Variants in TSPAN6 observed in about 807,000 individuals in gnomAD.
The protein encoded by TSPAN6 is tetraspanin 6.
TSPAN6 carries 13 observed loss-of-function variants against 18.0 expected under a neutral mutation model. The ratio of observed to expected loss-of-function variants is 0.72; its 90% CI spans 0.47 to 1.15. TSPAN6 has a LOEUF of 1.15. TSPAN6 is among the 50% of genes most tolerant of loss of function. The pLI is 0.00. For synonymous variants in TSPAN6, 82 were observed against 67.0 expected (o/e 1.22, Z -1.09); for missense variants, 186 against 183.9 (o/e 1.01, Z -0.07).
At chrX:100,636,556 A>G (rs771639149) in intron 1 of TSPAN6, 52 bp downstream of exon 1, 94 of 1,156,866 alleles carry the variant, frequency 8.1e-5, no homozygotes, top group Non-Finnish European at 1.0e-4. Flanking sequence ...CACACCCCCC[A>G]CAACTAAAAG....
Position 100,633,527 on chromosome X carries a change from C to T in TSPAN6, c.463G>A (p.Gly155Ser). The change falls in exon 5 of 8, where the codon GGT becomes AGT. Residue 155 changes from glycine to serine, a missense_variant. Coordinates refer to ENST00000373020, the MANE Select transcript of TSPAN6 (RefSeq NM_003270.4). ...GTCCAATCTCTATAATCGGTGACAC[C>T]ACAACAATGCAACTGAAAAACCCAA... ...DKIQNTLHCC[G>S]VTDYRDWTDT... The T allele has an allele frequency of 8.4e-7, 1 of 1,188,495 alleles. No homozygotes were observed. The highest frequency in any genetic ancestry group is 1.1e-6 in the Non-Finnish European group (1 of 887,291).
Position 100,632,549 on chromosome X carries a change from A to G in TSPAN6, c.605T>C (p.Met202Thr), listed in dbSNP as rs1249151274. The G allele has an allele frequency of 8.3e-7, 1 of 1,203,049 alleles. No homozygotes were observed. The highest frequency in any genetic ancestry group is 1.8e-5 in the African/African-American group (1 of 57,102). Residue 202 changes from methionine to threonine, a missense_variant, in exon 6 of 8, where the codon ATG becomes ACG. Physicochemically the swap from Met to Thr is moderately conservative, Grantham distance 81. Coordinates refer to ENST00000373020, the MANE Select transcript of TSPAN6 (RefSeq NM_003270.4). ...VNNEGCFIKVMTIIESEMGVV... is the reference protein window; with the variant it reads ...VNNEGCFIKVTTIIESEMGVV... ...TCCCATTTCTGACTCTATAATGGTCATCACCTTTATAAAACAACCCTAATG... is the reference window on the plus strand; with the variant it reads ...TCCCATTTCTGACTCTATAATGGTCGTCACCTTTATAAAACAACCCTAATG...
rs775990938 is a variant in TSPAN6, at chrX:100,628,217, T to G, written c.*1809A>C. The G allele has an allele frequency of 1.3e-4, 15 of 112,244 alleles. No homozygotes were observed. Among genetic ancestry groups the G allele is most frequent in the African/African-American group, 4.8e-4 (15 of 30,933 alleles). The allele number at this position is 112,244 out of a possible 1,213,427, so 9.3% of individuals were successfully genotyped here. ...AAATTGCTGATAATCCTTTAAATAT[T>G]TGCTTCTTTAATCTCAGTAGCCAAA... On this transcript the variant is annotated 3_prime_UTR_variant, in exon 8 of 8. Coordinates refer to ENST00000373020, the MANE Select transcript of TSPAN6 (RefSeq NM_003270.4).
Position 100,628,581 on chromosome X carries a change from T to C in TSPAN6, c.*1445A>G, listed in dbSNP as rs1273315490. On this transcript the variant is annotated 3_prime_UTR_variant, in exon 8 of 8. Transcript: ENST00000373020. ...ATTTTAGTAATTATTATTTTCCTTA[T>C]TAATTTCCCTATTATCCTGAAGATA... 1 of 112,069 alleles carries C rather than the reference T, an allele frequency of 8.9e-6. No individual in the cohort carries two copies. The highest frequency in any genetic ancestry group is 3.2e-5 in the African/African-American group (1 of 30,847). 9.2% of individuals were successfully genotyped at this position (112,069 alleles called of 1,213,427 possible).
intron 7 of TSPAN6, 39 bp downstream of exon 7, chrX:100,630,720 T>G: frequency 9.9e-7 from 1 of 1,008,444 alleles, no homozygotes; most frequent in Admixed American, 2.5e-5. Flanking sequence ...CTAGAATAAA[T>G]ATCAACACTA....
chrX:100,636,628 T>G lies in TSPAN6; in HGVS notation c.67A>C (p.Ile23Leu). The change falls in exon 1 of 8, where the codon ATC becomes CTC. Residue 23 changes from isoleucine to leucine, a missense_variant. By Grantham distance (5) the Ile-to-Leu change is conservative. Transcript: ENST00000373020. ...CTCACCCAGAAAATAAAAGTGTAGA[T>G]TAGCAGAACGCTCTTGAAACAAGTA... ...VITCFKSVLL[I>L]YTFIFWITGV... The G allele has an allele frequency of 2.5e-6, 3 of 1,207,150 alleles. No individual in the cohort carries two copies. Among genetic ancestry groups the G allele is most frequent in the Non-Finnish European group, 3.4e-6 (3 of 893,344 alleles).
In TSPAN6 at chrX:100,633,935, T is replaced by C. The variant is rs1338334653; in HGVS notation, c.446A>G (p.Asn149Ser). The C allele has an allele frequency of 1.7e-6, 2 of 1,186,392 alleles. No homozygotes were observed. Among genetic ancestry groups the C allele is most frequent in the South Asian group, 3.6e-5 (2 of 55,746 alleles). ...TAGGTGGTGGTTACCACTTACCGTA[T>C]TTTGGATCTTGTCTACTGCATGGCT... The part of the protein sequence containing the change: ...YRSHAVDKIQ[N>S]TLHCCGVTDY... Residue 149 changes from asparagine (N) to serine (S), a missense_variant, in exon 4 of 8, where the codon AAT (asparagine) becomes AGT (serine). Transcript: ENST00000373020.
At chrX:100,630,089 A>G (rs1169426373) in intron 7 of TSPAN6, 103 bp from the exon 8 acceptor site, 1 of 423,212 alleles carries the variant, frequency 2.4e-6, no homozygotes, top group Non-Finnish European at 3.0e-6. Context: ...AGACCTTCCT[A>G]TGTGTTCCTA....
chrX:100,632,330 C>T (rs938327282), intron 6 of TSPAN6, among the ~76,000 whole-genome samples, 155 bp downstream of exon 6: 2 of 110,526 alleles, frequency 1.8e-5, no homozygotes, highest in African/African-American at 6.6e-5. Context: ...TCGCTTGAAC[C>T]CAGGAAGTGG....
rs892420897 is a variant in TSPAN6, at chrX:100,636,592, C to T, written c.87+16G>A. 5.0e-6 allele frequency: 6 copies of T among 1,193,600 alleles called. No homozygotes were observed. The African/African-American group carries it at 5.3e-5, about 10-fold the overall frequency. ...CCCGGGATCCCCTGCCGGCCCCAGG[C>T]GCCTTCGTCTCTCACCCAGAAAATA... On this transcript the variant is annotated intron_variant, in intron 1 of 7. Coordinates refer to ENST00000373020, the MANE Select transcript of TSPAN6 (RefSeq NM_003270.4).
At position 100,636,687 on chromosome X, in the gene TSPAN6, G is replaced by T. The variant is rs368361319; in HGVS notation, c.8C>A (p.Ser3Tyr). The stretch of plus-strand genomic sequence containing the variant: ...TTTAGTCTGCAGTCTCCGAGACGGG[G>T]ACGCCATGACTAGCCCGAGACCCTG... Reference protein sequence around the residue: MASPSRRLQTKPV... With the variant: MAYPSRRLQTKPV... Residue 3 changes from serine (S) to tyrosine (Y), a missense_variant, in exon 1 of 8, where the codon TCC (serine) becomes TAC (tyrosine). By Grantham distance (144) the Ser-to-Tyr change is moderately radical (BLOSUM62 -2). Transcript: ENST00000373020. The T allele has an allele frequency of 5.8e-6, 7 of 1,201,278 alleles. No homozygotes were observed. In the African/African-American group the frequency reaches 1.2e-4, roughly 21 times the overall value.
At chrX:100,630,038 T>C in intron 7 of TSPAN6, 52 bp from the exon 8 acceptor site, 1 of 676,584 alleles carries the variant, frequency 1.5e-6, no homozygotes, top group Non-Finnish European at 1.8e-6. Flanking sequence ...TTTCAACATC[T>C]GTATTTGCTT....
intron 6 of TSPAN6, among the ~76,000 whole-genome samples, chrX:100,631,612 G>A (rs1167024864): frequency 8.9e-6 from 1 of 111,787 alleles, no homozygotes; most frequent in African/African-American, 3.3e-5. Flanking sequence ...TAAGGAATGT[G>A]GGGGTGGCAT....
upstream of TSPAN6, chrX:100,636,978 T>G (rs1184604054): frequency 1.2e-5 from 2 of 162,520 alleles, no homozygotes. Context: ...TTCATTGTTT[T>G]TTTTCTATCC....
chrX:100,631,242 C>T (rs2083057266), intron 6 of TSPAN6, among the ~76,000 whole-genome samples: 1 of 112,342 alleles, frequency 8.9e-6, no homozygotes, highest in Non-Finnish European at 1.9e-5. Context: ...GAAAGATCCA[C>T]AGCAATGCTA....
intron 1 of TSPAN6, chrX:100,636,065 G>C: frequency 3.3e-6 from 2 of 598,370 alleles, no homozygotes; most frequent in South Asian, 9.1e-5. Context: ...AAAAAAACGT[G>C]ATTTTATGAG....
Position 100,632,505 on chromosome X carries a change from A to G in TSPAN6, c.649T>C (p.Phe217Leu). The change falls in exon 6 of 8, where the codon TTT (phenylalanine) becomes CTT (leucine). Residue 217 changes from phenylalanine (F) to leucine (L), a missense_variant. Phe to Leu is a conservative substitution (Grantham distance 22, BLOSUM62 0). Transcript: ENST00000373020. Reference sequence around the variant, plus strand: ...CTTACTTGGAAGCAAGCAACTCCAAAGGAAATTCCTGCAACGACTCCCATT... The same window carrying G: ...CTTACTTGGAAGCAAGCAACTCCAAGGGAAATTCCTGCAACGACTCCCATT... ...SEMGVVAGIS[F>L]GVACFQLIGI... The G allele has an allele frequency of 8.3e-7, 1 of 1,209,195 alleles. No individual in the cohort carries two copies. The highest frequency in any genetic ancestry group is 1.1e-6 in the Non-Finnish European group (1 of 893,331).
In TSPAN6 at chrX:100,627,835, C is replaced by G. The variant is rs1374107403; in HGVS notation, c.*2191G>C. ...AAACTTTTTTTTTTTTTCTGAGATG[C>G]AGGTTCACTCTTATCGCCCAGGCTG... On this transcript the variant is annotated 3_prime_UTR_variant, in exon 8 of 8. Coordinates refer to ENST00000373020, the MANE Select transcript of TSPAN6 (RefSeq NM_003270.4). 1.9e-5 allele frequency: 2 copies of G among 105,982 alleles called. No homozygotes were observed. The highest frequency in any genetic ancestry group is 6.9e-5 in the African/African-American group (2 of 28,811). The allele number at this position is 105,982 out of a possible 1,213,427, so 8.7% of individuals were successfully genotyped here.
chrX:100,632,725 T>C (rs2083068491), intron 5 of TSPAN6, among the ~76,000 whole-genome samples, 157 bp from the exon 6 acceptor site: 1 of 112,274 alleles, frequency 8.9e-6, no homozygotes, highest in Non-Finnish European at 1.9e-5. Context: ...GTATGTATCA[T>C]AGCCTTTGAT....
Sources: gnomAD v4.1 joint callset for allele counts (sites outside exome capture counted in the v4.1 genomes callset) on GRCh38, gnomAD v4.1.1 for gene constraint, MANE v1.5 for transcripts, NCBI Gene and HGNC (gene_info 2026-07-23, HGNC 2026-07-21) for gene names.